Variants in GPR89B observed in about 807,000 individuals in gnomAD.
GPR89B encodes golgi pH regulator B.
GPR89B carries 25 observed loss-of-function variants against 52.4 expected under a neutral mutation model. The observed-to-expected ratio is 0.48, with a 90% CI of 0.35 to 0.67. The LOEUF (loss-of-function observed/expected upper bound fraction) is 0.67. Ranked by LOEUF, GPR89B falls within the 30% of genes least tolerant of loss-of-function variation. GPR89B has a pLI of 0.01. For synonymous variants in GPR89B, 52 were observed against 151.2 expected (o/e 0.34, Z 4.81); for missense variants, 146 against 450.2 (o/e 0.32, Z 6.11).
chr1:148,018,414 G>A, the GPR89B span, among the ~76,000 whole-genome samples: 2 of 134,888 alleles, frequency 1.5e-5, no homozygotes, highest in East Asian at 2.1e-4. Context: ...GTGAGACTCC[G>A]TCTCAAAAAA....
chr1:147,990,297 T>C (rs1371558950), intron 12 of GPR89B, among the ~76,000 whole-genome samples: 2 of 152,156 alleles, frequency 1.3e-5, no homozygotes, highest in Non-Finnish European at 2.9e-5. Flanking sequence ...TTTGATGGGG[T>C]TGTTTTTTTC....
At chr1:147,960,844 G>A (rs1656481419) in intron 7 of GPR89B, among the ~76,000 whole-genome samples, 1 of 151,170 alleles carries the variant, frequency 6.6e-6, no homozygotes, top group Non-Finnish European at 1.5e-5. Context: ...GAGCGAGACT[G>A]TCTCAAAACA....
chr1:148,009,507 C>T, the GPR89B span: 38 of 1,587,890 alleles, frequency 2.4e-5, no homozygotes, highest in East Asian at 1.6e-4. Context: ...CAAGTCCACC[C>T]GTGTTTTCAC....
intron 10 of GPR89B, among the ~76,000 whole-genome samples, chr1:147,970,569 C>CTATATATA (rs1295887286): frequency 2.8e-5 from 4 of 142,540 alleles, no homozygotes; most frequent in Admixed American, 7.0e-5. Context: ...CTCTCTCTCT[C>CTATATATA]TATATATATA....
chr1:147,930,502 A>T (rs1553246870), intron 1 of GPR89B, among the ~76,000 whole-genome samples: 1 of 152,068 alleles, frequency 6.6e-6, no homozygotes, highest in African/African-American at 2.4e-5. Flanking sequence ...ATTCACCAGC[A>T]TCTAGATCAG....
chr1:147,977,163 G>A (rs1163606463), intron 10 of GPR89B, among the ~76,000 whole-genome samples: 2 of 143,468 alleles, frequency 1.4e-5, no homozygotes, highest in African/African-American at 5.3e-5. Flanking sequence ...GAACCCAGGA[G>A]GCGGAGGTTG....
At chr1:147,946,457 T>A (rs1432204449) in intron 5 of GPR89B, among the ~76,000 whole-genome samples, 5 of 152,194 alleles carry the variant, frequency 3.3e-5, no homozygotes, top group African/African-American at 1.2e-4. Flanking sequence ...AGCATGCCTA[T>A]GTCAATGGTC....
At chr1:147,995,435 C>T (rs1403003458), downstream of GPR89B, among the ~76,000 whole-genome samples, 3 of 151,812 alleles carry the variant, frequency 2.0e-5, no homozygotes, top group Admixed American at 6.6e-5. Flanking sequence ...CTTATACTGC[C>T]TCCTGTCCTC....
chr1:147,963,637 G>A (rs1553252500), intron 7 of GPR89B, among the ~76,000 whole-genome samples: 2 of 152,070 alleles, frequency 1.3e-5, no homozygotes, highest in African/African-American at 2.4e-5. Context: ...AAACTACATC[G>A]AGATAATCAC....
At chr1:148,015,388 C>T in the GPR89B span, among the ~76,000 whole-genome samples, 2 of 148,166 alleles carry the variant, frequency 1.3e-5, no homozygotes, top group Non-Finnish European at 3.0e-5. Flanking sequence ...CATCTCGGCT[C>T]ATTGCAACCT....
chr1:147,950,293 A>ACGGGGCGG lies in GPR89B; in HGVS notation c.416-3045_416-3038dup, dbSNP rs782028800. Among the ~76,000 whole-genome samples, 1,062 of 147,664 alleles carry ACGGGGCGG rather than the reference A, an allele frequency of 7.2e-3. 21 individuals are homozygous for ACGGGGCGG. Among genetic ancestry groups the ACGGGGCGG allele is most frequent in the East Asian group, 0.045 (219 of 4,848 alleles). Reference sequence around the variant, plus strand: ...GGTAGAGGTGCTCCTCACATCCCAGACGGGGCGGCGGGGCAGAGGCGCTCC... The same window carrying ACGGGGCGG: ...GGTAGAGGTGCTCCTCACATCCCAGACGGGGCGGCGGGGCGGCGGGGCAGAGGCGCTCC... On this transcript the variant is annotated intron_variant, in intron 5 of 13. Coordinates refer to ENST00000314163, the MANE Select transcript of GPR89B (RefSeq NM_016334.5).
At chr1:147,947,011 A>G (rs1655026637) in intron 5 of GPR89B, among the ~76,000 whole-genome samples, 2 of 151,936 alleles carry the variant, frequency 1.3e-5, no homozygotes, top group Admixed American at 6.6e-5. Flanking sequence ...TGTCCCAACA[A>G]CCAGTATGGT....
At chr1:147,971,464 CTTTTTTTTT>C (rs1196935183) in intron 10 of GPR89B, among the ~76,000 whole-genome samples, 4 of 70,240 alleles carry the variant, frequency 5.7e-5, no homozygotes, top group African/African-American at 2.5e-4. Context: ...GGAAGCATGT[CTTTTTTTTT>C]TTTTTTTTTT....
At chr1:147,962,423 CA>C (rs1176963367) in intron 7 of GPR89B, among the ~76,000 whole-genome samples, 7,809 of 80,894 alleles carry the variant, frequency 0.097, 278 homozygotes, top group African/African-American at 0.19. Context: ...AACTCTGTCT[CA>C]AAAAAAAAAA....
Position 147,936,635 on chromosome 1 carries a change from T to G in GPR89B, c.51T>G (p.Phe17Leu). 6.2e-7 allele frequency: 1 copy of G among 1,611,618 alleles called. No individual in the cohort carries two copies. The highest frequency in any genetic ancestry group is 1.7e-5 in the Admixed American group (1 of 59,878). The change falls in exon 2 of 14, where the codon TTT (phenylalanine) becomes TTG (leucine). Residue 17 changes from phenylalanine (F) to leucine (L), a missense_variant. Physicochemically the swap from Phe to Leu is conservative, Grantham distance 22 (BLOSUM62 0). Transcript: ENST00000314163. ...TCTTCTTTCTCCTCCAGATACTATT[T>G]TTTGGATTTGGGTGGCTTTTCTTCA... ...SSIMITSQIL[F>L]FGFGWLFFMR...
At chr1:147,972,037 GTAT>G (rs1300851855) in intron 10 of GPR89B, among the ~76,000 whole-genome samples, 1 of 151,712 alleles carries the variant, frequency 6.6e-6, no homozygotes, top group Non-Finnish European at 1.5e-5. Flanking sequence ...ATATTAGTTT[GTAT>G]TTTCTAGAAT....
the GPR89B span, among the ~76,000 whole-genome samples, chr1:148,001,856 C>A: frequency 1.3e-5 from 2 of 151,620 alleles, no homozygotes; most frequent in Non-Finnish European, 2.9e-5. Context: ...CTTGTAGCCA[C>A]GCGTCTTATG....
chr1:148,002,231 C>A, the GPR89B span, among the ~76,000 whole-genome samples: 3 of 152,212 alleles, frequency 2.0e-5, no homozygotes, highest in East Asian at 5.8e-4. Context: ...GTCACCAACA[C>A]TTGGCAACTG....
chr1:147,961,632 C>A (rs1245393235), intron 7 of GPR89B, among the ~76,000 whole-genome samples: 1 of 152,076 alleles, frequency 6.6e-6, no homozygotes, highest in African/African-American at 2.4e-5. Context: ...CGTAACAAGA[C>A]CCCATCTTGA....
Sources: allele counts gnomAD v4.1 joint callset (sites outside exome capture counted in the v4.1 genomes callset), GRCh38; gene constraint gnomAD v4.1.1; transcripts MANE v1.5; gene names NCBI Gene and HGNC (gene_info 2026-07-23, HGNC 2026-07-21).